The following GSK3B variants were observed in gnomAD, a reference collection of about 807,000 sequenced individuals.
GSK3B encodes the protein glycogen synthase kinase 3 beta.
Under a neutral mutation model 56.4 loss-of-function variants are expected in GSK3B, and 15 were observed. That is an observed-to-expected ratio of 0.27 (90% CI 0.18 to 0.41). The LOEUF (loss-of-function observed/expected upper bound fraction) is 0.41. Ranked by LOEUF, GSK3B falls within the 10% of genes least tolerant of loss-of-function variation. The pLI is 1.00. For synonymous variants in GSK3B, 181 were observed against 188.9 expected (o/e 0.96, Z 0.34); for missense variants, 300 against 513.4 (o/e 0.58, Z 4.02).
At chr3:120,031,281 AGTT>A (rs1479977848) in intron 1 of GSK3B, among the ~76,000 whole-genome samples, 1 of 152,256 alleles carries the variant, frequency 6.6e-6, no homozygotes, top group African/African-American at 2.4e-5. Context: ...TTAATAAAAT[AGTT>A]GTGTGGAATG....
intron 1 of GSK3B, among the ~76,000 whole-genome samples, chr3:120,040,493 C>G (rs1006256379): frequency 6.6e-5 from 10 of 151,944 alleles, no homozygotes; most frequent in Non-Finnish European, 1.5e-4. Flanking sequence ...AACAAGCTCC[C>G]CAAGGAAGAA....
intron 4 of GSK3B, among the ~76,000 whole-genome samples, chr3:119,919,378 T>C (rs1455816243): frequency 1.3e-5 from 2 of 152,164 alleles, no homozygotes; most frequent in African/African-American, 4.8e-5. Context: ...CTATGTAGAA[T>C]GACTACGTGA....
chr3:119,892,607 A>G (rs1190869862), intron 7 of GSK3B, among the ~76,000 whole-genome samples: 1 of 152,134 alleles, frequency 6.6e-6, no homozygotes, highest in East Asian at 1.9e-4. Context: ...AAGGCAAGAA[A>G]CCTCTAAGTT....
At chr3:119,948,484 T>C (rs963782307) in intron 2 of GSK3B, among the ~76,000 whole-genome samples, 2 of 152,206 alleles carry the variant, frequency 1.3e-5, no homozygotes, top group African/African-American at 4.8e-5. Flanking sequence ...TTTCATTCCA[T>C]TACTTGTTAG....
chr3:119,978,734 C>A (rs1383319716), intron 2 of GSK3B, among the ~76,000 whole-genome samples: 1 of 152,112 alleles, frequency 6.6e-6, no homozygotes, highest in Non-Finnish European at 1.5e-5. Flanking sequence ...TTGCCAAATC[C>A]AACCGGAACA....
chr3:120,033,587 C>T (rs114938841), intron 1 of GSK3B, among the ~76,000 whole-genome samples: 4 of 152,270 alleles, frequency 2.6e-5, no homozygotes, highest in East Asian at 1.9e-4. Context: ...AGCATCTTTT[C>T]GTGCATTGAT....
intron 8 of GSK3B, among the ~76,000 whole-genome samples, chr3:119,865,401 G>C (rs2056162790): frequency 7.6e-6 from 1 of 131,242 alleles, no homozygotes; most frequent in African/African-American, 2.8e-5. Context: ...TTGTGTTAAA[G>C]CTATTAATAA....
chr3:120,004,275 G>A (rs971444737), intron 1 of GSK3B, among the ~76,000 whole-genome samples: 6 of 152,200 alleles, frequency 3.9e-5, no homozygotes, highest in East Asian at 1.9e-4. Context: ...GCTCAAACTC[G>A]GCAGAGACCA....
chr3:119,969,789 C>T (rs565132604), intron 2 of GSK3B, among the ~76,000 whole-genome samples: 4 of 152,292 alleles, frequency 2.6e-5, no homozygotes, highest in South Asian at 4.1e-4. Flanking sequence ...TTTCATTTTC[C>T]GTGGATACAT....
At chr3:119,971,913 C>A (rs1371982189) in intron 2 of GSK3B, among the ~76,000 whole-genome samples, 4 of 152,134 alleles carry the variant, frequency 2.6e-5, no homozygotes, top group African/African-American at 9.6e-5. Flanking sequence ...GCCCGGCCTG[C>A]AATAAAATTT....
At chr3:120,010,955 C>G (rs1439939599) in intron 1 of GSK3B, among the ~76,000 whole-genome samples, 1 of 152,116 alleles carries the variant, frequency 6.6e-6, no homozygotes. Flanking sequence ...GTAATCCCAG[C>G]TACAAGGGAG....
chr3:119,883,484 AG>A (rs1237038876), intron 7 of GSK3B, among the ~76,000 whole-genome samples: 5 of 152,150 alleles, frequency 3.3e-5, no homozygotes, highest in Non-Finnish European at 7.4e-5. Context: ...TTTCTAGTTC[AG>A]GGGTCAGCAA....
At chr3:119,940,347 A>T (rs924305659) in intron 3 of GSK3B, among the ~76,000 whole-genome samples, 1 of 152,226 alleles carries the variant, frequency 6.6e-6, no homozygotes, top group African/African-American at 2.4e-5. Context: ...ATACTGCTTC[A>T]AAATTAAGAA....
intron 1 of GSK3B, among the ~76,000 whole-genome samples, chr3:120,022,153 G>A (rs1225454528): frequency 1.3e-5 from 2 of 152,260 alleles, no homozygotes; most frequent in African/African-American, 4.8e-5. Context: ...TTAAACAATT[G>A]GCACAGCCAC....
At chr3:119,884,114 T>C (rs182618655) in intron 7 of GSK3B, among the ~76,000 whole-genome samples, 233 of 151,884 alleles carry the variant, frequency 1.5e-3, no homozygotes, top group Middle Eastern at 3.4e-3. Context: ...AAAAGAGAAA[T>C]TGAAACAGAA....
intron 2 of GSK3B, among the ~76,000 whole-genome samples, chr3:119,993,147 A>AG: frequency 6.7e-6 from 1 of 149,804 alleles, no homozygotes; most frequent in South Asian, 2.1e-4. Context: ...GTAAGGAAGA[A>AG]AAAAAAAAAA....
intron 7 of GSK3B, among the ~76,000 whole-genome samples, chr3:119,904,613 T>A (rs1039264842): frequency 2.0e-5 from 3 of 152,186 alleles, no homozygotes; most frequent in Admixed American, 6.6e-5. Context: ...AAGAACTTGA[T>A]CACAGTCCTA....
At chr3:119,852,174 A>G (rs1016808983) in intron 9 of GSK3B, among the ~76,000 whole-genome samples, 8 of 152,208 alleles carry the variant, frequency 5.3e-5, no homozygotes, top group African/African-American at 1.4e-4. Context: ...ATAATATGAT[A>G]TTTGCTGAAA....
intron 1 of GSK3B, among the ~76,000 whole-genome samples, chr3:120,058,927 T>C (rs535817840): frequency 6.6e-6 from 1 of 151,784 alleles, no homozygotes; most frequent in South Asian, 2.1e-4. Context: ...GGAGGATTGC[T>C]TGAACCCAGG....
Sources: allele counts gnomAD v4.1 joint callset (sites outside exome capture counted in the v4.1 genomes callset), GRCh38; gene constraint gnomAD v4.1.1; transcripts MANE v1.5; gene names NCBI Gene and HGNC (gene_info 2026-07-23, HGNC 2026-07-21).